Variants in GRK5 observed in about 807,000 individuals in gnomAD.
The protein encoded by GRK5 is g protein-coupled receptor kinase GRK5.
A neutral mutation model predicts 78.4 loss-of-function variants in GRK5; 40 were observed. The ratio of observed to expected loss-of-function variants is 0.51; its 90% CI spans 0.40 to 0.66. The LOEUF (loss-of-function observed/expected upper bound fraction) is 0.66, where lower values mean the gene tolerates loss of function less well. Among genes scored for constraint, GRK5 ranks in the 30% least tolerant of loss-of-function variants. The pLI, the probability that GRK5 is intolerant of heterozygous loss-of-function variation, is 0.00. For missense variants in GRK5, 598 were observed against 759.9 expected (o/e 0.79, Z 2.50); for synonymous variants, 289 against 296.8 (o/e 0.97, Z 0.27).
At chr10:119,280,593 A>G (rs181771758) in intron 1 of GRK5, among the ~76,000 whole-genome samples, 6 of 152,178 alleles carry the variant, frequency 3.9e-5, no homozygotes, top group Non-Finnish European at 8.8e-5. Flanking sequence ...ATATTGGTGT[A>G]TAAGTACCTG....
At chr10:119,229,057 G>A (rs764929803) in intron 1 of GRK5, among the ~76,000 whole-genome samples, 2 of 152,076 alleles carry the variant, frequency 1.3e-5, no homozygotes, top group East Asian at 1.9e-4. Context: ...TTTTGACTCC[G>A]CTAGATGATG....
At chr10:119,313,019 A>G (rs796757377) in intron 1 of GRK5, among the ~76,000 whole-genome samples, 2,251 of 12,132 alleles carry the variant, frequency 0.19, 28 homozygotes, top group Non-Finnish European at 0.23. Context: ...CGGTGATGGT[A>G]GTGGTAATGG....
chr10:119,212,926 A>C (rs1408844563), intron 1 of GRK5: 2 of 152,220 alleles, frequency 1.3e-5, no homozygotes, highest in Non-Finnish European at 2.9e-5. Flanking sequence ...TGAGCCCAGG[A>C]GTACTGGTCT....
chr10:119,240,906 G>A (rs2133739777), intron 1 of GRK5, among the ~76,000 whole-genome samples: 1 of 152,146 alleles, frequency 6.6e-6, no homozygotes, highest in East Asian at 1.9e-4. Context: ...AGTTTTGAAA[G>A]GCAAAAGGAC....
intron 4 of GRK5, among the ~76,000 whole-genome samples, chr10:119,407,450 A>G (rs1164926936): frequency 3.3e-5 from 5 of 152,252 alleles, no homozygotes; most frequent in Admixed American, 2.6e-4. Flanking sequence ...TCTTTAAGCC[A>G]GTAAGTGTCT....
intron 1 of GRK5, among the ~76,000 whole-genome samples, chr10:119,303,500 C>G (rs552336009): frequency 1.3e-5 from 2 of 152,030 alleles, no homozygotes; most frequent in South Asian, 4.1e-4. Flanking sequence ...CTCCATGGGC[C>G]GGGAGGAGCT....
At chr10:119,403,993 G>T (rs1412718081) in intron 4 of GRK5, among the ~76,000 whole-genome samples, 3 of 152,176 alleles carry the variant, frequency 2.0e-5, no homozygotes, top group Non-Finnish European at 4.4e-5. Flanking sequence ...CTGTGAAAAT[G>T]CAGGTACAAG....
At position 119,397,038 on chromosome 10, in the gene GRK5, G is replaced by A. The variant is rs116768822; in HGVS notation, c.339+266G>A. On this transcript the variant is annotated intron_variant, in intron 4 of 15. Coordinates refer to ENST00000392870, the MANE Select transcript of GRK5 (RefSeq NM_005308.3). ...CAGCCCCTTCAAGGGTCACCATGCT[G>A]CTGTGTGCCCACACCCAACCATTTG... Among the ~76,000 whole-genome samples the A allele has an allele frequency of 2.1e-3, 316 of 152,362 alleles. 1 individual carries two copies. The highest frequency in any genetic ancestry group is 7.4e-3 in the African/African-American group (307 of 41,580).
intron 1 of GRK5, among the ~76,000 whole-genome samples, chr10:119,305,676 C>T (rs779894650): frequency 3.3e-5 from 5 of 152,128 alleles, no homozygotes; most frequent in African/African-American, 9.7e-5. Context: ...AGTGCCACTC[C>T]CCGGGAGACA....
At chr10:119,360,676 C>T (rs1175254697) in intron 2 of GRK5, among the ~76,000 whole-genome samples, 1 of 152,156 alleles carries the variant, frequency 6.6e-6, no homozygotes, top group East Asian at 1.9e-4. Context: ...TGGGAGGAGC[C>T]CCTCTCGCAG....
chr10:119,332,587 GA>G (rs1304266386), intron 2 of GRK5, among the ~76,000 whole-genome samples: 1 of 152,194 alleles, frequency 6.6e-6, no homozygotes, highest in African/African-American at 2.4e-5. Context: ...AGAGGTTGGT[GA>G]AAAGAAAGAT....
chr10:119,402,531 A>G (rs749908005), intron 4 of GRK5, among the ~76,000 whole-genome samples: 7 of 152,230 alleles, frequency 4.6e-5, no homozygotes, highest in Non-Finnish European at 8.8e-5. Context: ...ATTATATTTC[A>G]TCCAGCATTA....
At chr10:119,310,756 C>T (rs1850344288) in intron 1 of GRK5, among the ~76,000 whole-genome samples, 1 of 152,162 alleles carries the variant, frequency 6.6e-6, no homozygotes, top group South Asian at 2.1e-4. Context: ...GAGTGCCCAC[C>T]TCGTGCCTCA....
At chr10:119,402,860 AAAAAC>A (rs1302188866) in intron 4 of GRK5, among the ~76,000 whole-genome samples, 5 of 152,224 alleles carry the variant, frequency 3.3e-5, no homozygotes, top group Non-Finnish European at 7.3e-5. Flanking sequence ...TTTCAAAACA[AAAAAC>A]AAAACAAAAC....
chr10:119,381,052 C>G (rs1161941028), intron 3 of GRK5, 125 bp downstream of exon 3: 1 of 604,798 alleles, frequency 1.7e-6, no homozygotes, highest in Non-Finnish European at 3.0e-6. Flanking sequence ...TTACAAAACT[C>G]CCACTACAGA....
chr10:119,394,937 T>G (rs2133851931), intron 3 of GRK5, among the ~76,000 whole-genome samples: 1 of 150,256 alleles, frequency 6.7e-6, no homozygotes, highest in East Asian at 2.1e-4. Context: ...AAGAGCCACC[T>G]TAAAGCATCT....
At chr10:119,410,288 G>A (rs1852314177) in intron 4 of GRK5, among the ~76,000 whole-genome samples, 1 of 152,190 alleles carries the variant, frequency 6.6e-6, no homozygotes, top group African/African-American at 2.4e-5. Flanking sequence ...AGGGCCCCCA[G>A]TTAAATTCTG....
At chr10:119,216,859 G>A (rs575188144) in intron 1 of GRK5, among the ~76,000 whole-genome samples, 14 of 152,216 alleles carry the variant, frequency 9.2e-5, no homozygotes, top group Middle Eastern at 3.4e-3. Flanking sequence ...GGAGACTGAG[G>A]CAGGAGAATT....
chr10:119,211,020 A>G (rs1352441203), intron 1 of GRK5, among the ~76,000 whole-genome samples: 1 of 152,180 alleles, frequency 6.6e-6, no homozygotes, highest in Non-Finnish European at 1.5e-5. Flanking sequence ...GAGTAAAATG[A>G]TGGATTGTTA....
Sources: gnomAD v4.1 joint callset for allele counts (sites outside exome capture counted in the v4.1 genomes callset) on GRCh38, gnomAD v4.1.1 for gene constraint, MANE v1.5 for transcripts, NCBI Gene and HGNC (gene_info 2026-07-23, HGNC 2026-07-21) for gene names.